METTL25: variants seen among roughly 807,000 people sequenced by gnomAD.
The protein encoded by METTL25 is methyltransferase like 25.
In METTL25, 64 loss-of-function variants were observed where a neutral mutation model predicts 71.6. That is an observed-to-expected ratio of 0.89 (90% CI 0.73 to 1.10). The LOEUF (loss-of-function observed/expected upper bound fraction) is 1.10, where lower values mean the gene tolerates loss of function less well. Among genes scored for constraint, METTL25 ranks in the 50% least tolerant of loss-of-function variants. The pLI, the probability that METTL25 is intolerant of heterozygous loss-of-function variation, is 0.00. For missense variants in METTL25, 807 were observed against 707.0 expected, an observed-to-expected ratio of 1.14 and a Z score of -1.60; for synonymous variants, 287 against 250.3, an observed-to-expected ratio of 1.15 and a Z score of -1.38.
At chr12:82,418,492 G>A (rs936647999) in intron 5 of METTL25, among the ~76,000 whole-genome samples, 1 of 152,084 alleles carries the variant, frequency 6.6e-6, no homozygotes, top group Non-Finnish European at 1.5e-5. Context: ...TTTAAAAAAT[G>A]TGTGACACTA....
At chr12:82,377,428 A>C (rs559289411) in intron 1 of METTL25, among the ~76,000 whole-genome samples, 19 of 152,214 alleles carry the variant, frequency 1.2e-4, no homozygotes, top group Non-Finnish European at 2.8e-4. Context: ...TTGGTATCTT[A>C]AATTATTTCT....
intron 5 of METTL25, among the ~76,000 whole-genome samples, chr12:82,422,870 C>T (rs1888648315): frequency 6.6e-6 from 1 of 152,140 alleles, no homozygotes; most frequent in Non-Finnish European, 1.5e-5. Flanking sequence ...AGGAGAACTA[C>T]AAACCACTGC....
intron 1 of METTL25, among the ~76,000 whole-genome samples, chr12:82,365,231 T>G (rs1844345362): frequency 6.6e-6 from 1 of 152,226 alleles, no homozygotes; most frequent in South Asian, 2.1e-4. Context: ...TAAATATTAG[T>G]TATATGATCC....
intron 11 of METTL25, among the ~76,000 whole-genome samples, chr12:82,477,803 C>T (rs1327374261): frequency 6.6e-6 from 1 of 151,588 alleles, no homozygotes; most frequent in Admixed American, 6.6e-5. Context: ...CACAATCTTA[C>T]TTATCTATGT....
At chr12:82,386,003 A>T (rs148691811) in intron 1 of METTL25, among the ~76,000 whole-genome samples, 183 of 152,272 alleles carry the variant, frequency 1.2e-3, no homozygotes, top group African/African-American at 4.4e-3. Flanking sequence ...AGGGCACTAG[A>T]TATTTGCAAA....
Position 82,399,342 on chromosome 12 carries a change from C to A in METTL25, c.1079C>A (p.Thr360Asn). The A allele has an allele frequency of 6.2e-7, 1 of 1,604,908 alleles. No homozygotes were observed. Among genetic ancestry groups the A allele is most frequent in the East Asian group, 2.2e-5 (1 of 44,740 alleles). Residue 360 changes from threonine to asparagine, a missense_variant, in exon 4 of 12, where the codon ACC (threonine) becomes AAC (asparagine). Physicochemically the swap from Thr to Asn is moderately conservative, Grantham distance 65 (BLOSUM62 0). Coordinates refer to ENST00000248306, the MANE Select transcript of METTL25 (RefSeq NM_032230.3). The part of the protein sequence containing the change: ...SSESNIYSPL[T>N]SFITADSELH... ...GAATCAAATATATATTCACCTTTAA[C>A]CTCTTTTATCACTGCTGATTCAGAA... is the stretch of plus-strand genomic sequence containing the variant.
At chr12:82,464,187 G>A (rs1247785731) in intron 9 of METTL25, among the ~76,000 whole-genome samples, 1 of 151,728 alleles carries the variant, frequency 6.6e-6, no homozygotes, top group Admixed American at 6.6e-5. Context: ...TATTTTCCCA[G>A]AGCAATATCC....
intron 9 of METTL25, among the ~76,000 whole-genome samples, chr12:82,465,323 A>G (rs576222836): frequency 2.7e-4 from 41 of 152,118 alleles, no homozygotes; most frequent in African/African-American, 9.9e-4. Flanking sequence ...AGGGATGTTG[A>G]ATTTTATCAA....
chr12:82,438,746 C>A lies in METTL25; in HGVS notation c.1433C>A (p.Ala478Asp). ...GLPTESLFYR[A>D]VLQDIIKDCY... ...CCTACTGAATCACTCTTCTATCGTG[C>A]TGTTCTTCAGGATATTATTAAAGAT... is the stretch of plus-strand genomic sequence containing the variant. The change falls in exon 8 of 12, where the codon GCT (alanine) becomes GAT (aspartate). Residue 478 changes from alanine (A) to aspartate (D), a missense_variant. Ala to Asp is a moderately radical substitution (Grantham distance 126). Transcript: ENST00000248306. 2 of 1,540,188 alleles carry A rather than the reference C, an allele frequency of 1.3e-6. No homozygotes were observed. Among genetic ancestry groups the A allele is most frequent in the Non-Finnish European group, 1.8e-6 (2 of 1,136,524 alleles).
intron 5 of METTL25, 136 bp downstream of exon 5, chr12:82,403,266 T>C (rs1006972195): frequency 1.5e-5 from 12 of 783,368 alleles, no homozygotes; most frequent in Admixed American, 6.2e-5. Context: ...CTGACTTACT[T>C]GCACTTTTAG....
chr12:82,368,980 A>G (rs1882889711), intron 1 of METTL25, among the ~76,000 whole-genome samples: 1 of 152,228 alleles, frequency 6.6e-6, no homozygotes, highest in Admixed American at 6.5e-5. Context: ...GAAATGGTTT[A>G]GTATTATCAA....
At chr12:82,398,275 G>C (rs867009047) in intron 3 of METTL25, among the ~76,000 whole-genome samples, 1 of 149,820 alleles carries the variant, frequency 6.7e-6, no homozygotes, top group Non-Finnish European at 1.5e-5. Context: ...ATAGAGACAG[G>C]ATCTTGCTAT....
At chr12:82,409,228 G>A (rs939161888) in intron 5 of METTL25, among the ~76,000 whole-genome samples, 2 of 152,112 alleles carry the variant, frequency 1.3e-5, no homozygotes, top group Non-Finnish European at 2.9e-5. Context: ...TATACCATAT[G>A]TTTTAAAACT....
At chr12:82,376,672 T>G (rs1592604406) in intron 1 of METTL25, among the ~76,000 whole-genome samples, 1 of 152,368 alleles carries the variant, frequency 6.6e-6, no homozygotes, top group East Asian at 1.9e-4. Context: ...TGGAACACTT[T>G]CATTTATAAA....
rs1204814421 is a variant in METTL25 at position 82,358,662 on chromosome 12, A to G, written c.97A>G (p.Ile33Val). Residue 33 changes from isoleucine (I) to valine (V), a missense_variant, in exon 1 of 12, where the codon ATT (isoleucine) becomes GTT (valine). Coordinates refer to ENST00000248306, the MANE Select transcript of METTL25 (RefSeq NM_032230.3). ...GCAGTTCCTGAGGGATGCCCTGTCC[A>G]TTTCCAATGCACATACCGTGGATTT... The part of the protein sequence containing the change: ...LLQFLRDALS[I>V]SNAHTVDFYT... 1 of 1,614,108 alleles carries G rather than the reference A, an allele frequency of 6.2e-7. No individual in the cohort carries two copies. Among genetic ancestry groups the G allele is most frequent in the Non-Finnish European group, 8.5e-7 (1 of 1,180,038 alleles).
intron 9 of METTL25, among the ~76,000 whole-genome samples, chr12:82,461,857 G>A (rs1891901645): frequency 6.6e-6 from 1 of 152,120 alleles, no homozygotes; most frequent in Admixed American, 6.5e-5. Flanking sequence ...GCGATCTAAC[G>A]CATAGAATAG....
At chr12:82,421,466 T>C (rs1299897938) in intron 5 of METTL25, among the ~76,000 whole-genome samples, 1 of 152,160 alleles carries the variant, frequency 6.6e-6, no homozygotes, top group Non-Finnish European at 1.5e-5. Context: ...TAGATTTGTA[T>C]TATGAAGTTA....
chr12:82,399,185 T>A lies in METTL25; in HGVS notation c.922T>A (p.Phe308Ile), dbSNP rs1295421646. The A allele has an allele frequency of 6.2e-7, 1 of 1,613,336 alleles. No individual in the cohort carries two copies. Among genetic ancestry groups the A allele is most frequent in the South Asian group, 1.1e-5 (1 of 90,964 alleles). ...SQPHQEENLC[F>I]ENSFSLINLL... ...GCCACATCAAGAAGAAAATTTGTGT[T>A]TTGAAAATTCCTTTTCTCTTATAAA... The change falls in exon 4 of 12, where the codon TTT (phenylalanine) becomes ATT (isoleucine). Residue 308 changes from phenylalanine (F) to isoleucine (I), a missense_variant. Phe to Ile is a conservative substitution (Grantham distance 21). Coordinates refer to ENST00000248306, the MANE Select transcript of METTL25 (RefSeq NM_032230.3).
chr12:82,421,089 T>A (rs1393492922), intron 5 of METTL25, among the ~76,000 whole-genome samples: 2 of 152,172 alleles, frequency 1.3e-5, no homozygotes, highest in Non-Finnish European at 2.9e-5. Context: ...CTTGAACTCC[T>A]GACCTCAGGT....
Sources: gnomAD v4.1 joint callset for allele counts (sites outside exome capture counted in the v4.1 genomes callset) on GRCh38, gnomAD v4.1.1 for gene constraint, MANE v1.5 for transcripts, NCBI Gene and HGNC (gene_info 2026-07-23, HGNC 2026-07-21) for gene names.